ATG7: variants seen among roughly 807,000 people sequenced by gnomAD.
ATG7 encodes the protein autophagy related 7, also known as ubiquitin-like modifier-activating enzyme ATG7.
Under a neutral mutation model 82.4 loss-of-function variants are expected in ATG7, and 70 were observed. That is an observed-to-expected ratio of 0.85 (90% confidence interval 0.70 to 1.04). The LOEUF is 1.04. ATG7 is among the 50% of genes least tolerant of loss of function. The pLI is 0.00. For missense variants in ATG7, 792 were observed against 864.3 expected (o/e 0.92, Z 1.05); for synonymous variants, 287 against 313.0 (o/e 0.92, Z 0.88).
intron 13 of ATG7, among the ~76,000 whole-genome samples, chr3:11,344,334 G>C (rs1347842871): frequency 6.6e-6 from 1 of 152,176 alleles, no homozygotes; most frequent in African/African-American, 2.4e-5. Flanking sequence ...ACTTTAATGA[G>C]AGTGCCTCTT....
rs561106227 is a variant in ATG7, at chr3:11,529,606, A to G, written c.2080-25205A>G. The G allele has an allele frequency of 2.6e-4, 40 of 156,846 alleles. 1 individual carries two copies. The South Asian group carries it at 7.8e-3, about 31-fold the overall frequency. The allele number at this position is 156,846 out of a possible 1,614,324, so 9.7% of individuals were successfully genotyped here. On this transcript the variant is annotated intron_variant, in intron 20 of 20. Coordinates refer to ENST00000693202, the MANE Select transcript of ATG7 (RefSeq NM_001349232.2). ...GTATACGATGTTATCAGCAACGTGA[A>G]GTTTGTCCCTGTGACCACCTGGCTC...
intron 20 of ATG7, among the ~76,000 whole-genome samples, chr3:11,495,505 T>C (rs1337632722): frequency 6.6e-6 from 1 of 151,978 alleles, no homozygotes; most frequent in Non-Finnish European, 1.5e-5. Context: ...TGTTGGTCAA[T>C]AGAGAGAGGG....
At chr3:11,349,447 G>A (rs1006060843) in intron 14 of ATG7, among the ~76,000 whole-genome samples, 4 of 152,112 alleles carry the variant, frequency 2.6e-5, no homozygotes, top group Non-Finnish European at 5.9e-5. Context: ...TGAAACAAAA[G>A]GATTGCTTGA....
intron 19 of ATG7, among the ~76,000 whole-genome samples, chr3:11,407,841 A>C (rs991569567): frequency 3.9e-5 from 6 of 152,184 alleles, no homozygotes; most frequent in Non-Finnish European, 7.4e-5. Flanking sequence ...CCCTGGGCTC[A>C]GCCCTTGAAA....
chr3:11,443,364 C>A (rs2084189135), intron 20 of ATG7, among the ~76,000 whole-genome samples: 1 of 152,144 alleles, frequency 6.6e-6, no homozygotes, highest in Non-Finnish European at 1.5e-5. Context: ...AAGCACCATG[C>A]ATGTTTGAGG....
intron 20 of ATG7, among the ~76,000 whole-genome samples, chr3:11,550,849 G>C (rs1054086101): frequency 3.3e-5 from 5 of 151,556 alleles, no homozygotes; most frequent in South Asian, 4.2e-4. Flanking sequence ...TATTGCTTAT[G>C]GATTTGGGAT....
At chr3:11,376,673 G>A (rs1334468607) in intron 18 of ATG7, among the ~76,000 whole-genome samples, 6 of 152,176 alleles carry the variant, frequency 3.9e-5, no homozygotes, top group African/African-American at 1.4e-4. Context: ...AATTGGAAAG[G>A]TGGGTTGGGC....
intron 15 of ATG7, among the ~76,000 whole-genome samples, chr3:11,360,274 G>C (rs1327337562): frequency 6.6e-6 from 1 of 152,162 alleles, no homozygotes; most frequent in Non-Finnish European, 1.5e-5. Context: ...TCGAACTCCT[G>C]ACCTCAGACA....
At chr3:11,337,959 T>TA (rs531418272) in intron 11 of ATG7, among the ~76,000 whole-genome samples, 44 of 149,230 alleles carry the variant, frequency 2.9e-4, no homozygotes, top group Admixed American at 7.4e-4. Flanking sequence ...AAAGACACAT[T>TA]AAAAAAAAAA....
At chr3:11,498,031 G>C (rs1199230147) in intron 20 of ATG7, among the ~76,000 whole-genome samples, 1 of 152,142 alleles carries the variant, frequency 6.6e-6, no homozygotes, top group Non-Finnish European at 1.5e-5. Context: ...CTCATTTTAA[G>C]AGTGATGTTG....
At chr3:11,434,628 T>C (rs1287982402) in intron 20 of ATG7, among the ~76,000 whole-genome samples, 2 of 152,240 alleles carry the variant, frequency 1.3e-5, no homozygotes, top group African/African-American at 4.8e-5. Context: ...CTTTATAAAA[T>C]GTGTACCTTT....
chr3:11,415,916 CAGT>C (rs1023071677), intron 19 of ATG7, among the ~76,000 whole-genome samples: 2 of 152,064 alleles, frequency 1.3e-5, no homozygotes, highest in Non-Finnish European at 2.9e-5. Context: ...ACGGGCAGCA[CAGT>C]AGTTTATTTA....
At chr3:11,431,197 T>G (rs1198165881) in intron 20 of ATG7, among the ~76,000 whole-genome samples, 2 of 152,194 alleles carry the variant, frequency 1.3e-5, no homozygotes, top group Non-Finnish European at 2.9e-5. Context: ...AGGTCAGGAG[T>G]TTGAGACCAG....
chr3:11,380,936 C>G (rs2077850705), intron 19 of ATG7, among the ~76,000 whole-genome samples: 1 of 152,124 alleles, frequency 6.6e-6, no homozygotes, highest in African/African-American at 2.4e-5. Context: ...GACAAGCTTC[C>G]TTTGAAAACT....
Position 11,331,442 on chromosome 3 carries a change from T to C in ATG7, c.767+14T>C, listed in dbSNP as rs1378939298. 6.4e-7 allele frequency: 1 copy of C among 1,560,338 alleles called. No individual in the cohort carries two copies. The highest frequency in any genetic ancestry group is 2.2e-5 in the East Asian group (1 of 44,590). ...AGCCCACAGATGGTATTTACAAGAGTGTGTGTTTGTCTGTCTGTCTGCCTT... is the reference window on the plus strand; with the variant it reads ...AGCCCACAGATGGTATTTACAAGAGCGTGTGTTTGTCTGTCTGTCTGCCTT... On this transcript the variant is annotated intron_variant, in intron 10 of 20. Coordinates refer to ENST00000693202, the MANE Select transcript of ATG7 (RefSeq NM_001349232.2).
Position 11,470,076 on chromosome 3 carries a change from G to A in ATG7, c.2079+43150G>A, listed in dbSNP as rs2087313902. On this transcript the variant is annotated intron_variant, in intron 20 of 20. Coordinates refer to ENST00000693202, the MANE Select transcript of ATG7 (RefSeq NM_001349232.2). ...ACCCAACAAAGCACCTCTACCTTGT[G>A]CTTACAACGAAATTCAGTTAACTGT... Among the ~76,000 whole-genome samples, 3 of 151,168 alleles carry A rather than the reference G, an allele frequency of 2.0e-5. No homozygotes were observed. The South Asian group carries it at 6.3e-4, about 32-fold the overall frequency.
intron 11 of ATG7, among the ~76,000 whole-genome samples, chr3:11,334,151 T>C (rs563731797): frequency 6.6e-6 from 1 of 152,348 alleles, no homozygotes; most frequent in East Asian, 1.9e-4. Flanking sequence ...GTAAATTTCC[T>C]AGCTCACATA....
At chr3:11,431,281 A>G (rs1277422173) in intron 20 of ATG7, among the ~76,000 whole-genome samples, 1 of 152,160 alleles carries the variant, frequency 6.6e-6, no homozygotes, top group Non-Finnish European at 1.5e-5. Flanking sequence ...TGTGCCTGTA[A>G]TCCCAGCTAC....
At chr3:11,412,516 T>C (rs1303277379) in intron 19 of ATG7, among the ~76,000 whole-genome samples, 1 of 152,180 alleles carries the variant, frequency 6.6e-6, no homozygotes, top group Non-Finnish European at 1.5e-5. Flanking sequence ...TCTATGAATA[T>C]GTCTTGTCTT....
Sources: gnomAD v4.1 joint callset for allele counts (sites outside exome capture counted in the v4.1 genomes callset) on GRCh38, gnomAD v4.1.1 for gene constraint, MANE v1.5 for transcripts, NCBI Gene and HGNC (gene_info 2026-07-23, HGNC 2026-07-21) for gene names.